The following BOK variants were observed in gnomAD, a reference collection of about 807,000 sequenced individuals.
BOK encodes the protein BCL2 family apoptosis regulator BOK.
In BOK, 20 loss-of-function variants were observed where a neutral mutation model predicts 18.3. The observed-to-expected ratio is 1.09, with a 90% CI of 0.77 to 1.59. BOK has a LOEUF of 1.59. Ranked by LOEUF, BOK falls within the 40% of genes most tolerant of loss-of-function variation. The pLI, the probability that BOK is intolerant of heterozygous loss-of-function variation, is 0.00. For missense variants in BOK, 348 were observed against 307.9 expected (o/e 1.13, Z -0.97); for synonymous variants, 173 against 142.4 (o/e 1.21, Z -1.53).
At chr2:241,569,104 A>G (rs13015179) in intron 3 of BOK, among the ~76,000 whole-genome samples, 30,912 of 152,150 alleles carry the variant, frequency 0.2, 3,258 homozygotes, top group Middle Eastern at 0.31. Context: ...AGTGGCCTGA[A>G]TCCTCACACT....
At chr2:241,551,748 G>T (rs898835889) in intron 1 of BOK, among the ~76,000 whole-genome samples, 19 of 152,226 alleles carry the variant, frequency 1.2e-4, no homozygotes, top group African/African-American at 4.6e-4. Flanking sequence ...CGCCCAGGAG[G>T]AAGGCTTGCG....
rs13386102 is a variant in BOK, at chr2:241,560,072, T to A, written c.220+369T>A. Reference sequence around the variant, plus strand: ...CCCGATGTTTATTTTGGAAAACAGATTCTTGCTGTTACTGGCCGAGATCCC... The same window carrying A: ...CCCGATGTTTATTTTGGAAAACAGAATCTTGCTGTTACTGGCCGAGATCCC... On this transcript the variant is annotated intron_variant, in intron 2 of 4. Coordinates refer to ENST00000318407, the MANE Select transcript of BOK (RefSeq NM_032515.5). The A allele has an allele frequency of 1.7e-3, 1,659 of 985,330 alleles. 17 individuals are homozygous for A. The African/African-American group carries it at 0.025, about 15-fold the overall frequency. 61.0% of individuals were successfully genotyped at this position (985,330 alleles called of 1,614,324 possible). A position where few individuals can be genotyped will look rare whatever the true frequency, so the allele number is the denominator to read the frequency against.
At chr2:241,556,892 T>A (rs1235949543), upstream of BOK, among the ~76,000 whole-genome samples, 1 of 152,234 alleles carries the variant, frequency 6.6e-6, no homozygotes, top group African/African-American at 2.4e-5. Context: ...GGGAAGATTT[T>A]AAATTACAGA....
Position 241,559,633 on chromosome 2 carries a change from G to C in BOK, c.150G>C (p.Trp50Cys). The change falls in exon 2 of 5, where the codon TGG becomes TGC. Residue 50 changes from tryptophan (W) to cysteine (C), a missense_variant. Physicochemically the swap from Trp to Cys is radical, Grantham distance 215. Transcript: ENST00000318407. ...GGCTGCTGCGCGCCGGCCTCTCCTG[G>C]AGCGCGCCCGAGCGTGCCGCGCCGG... is the stretch of plus-strand genomic sequence containing the variant. Reference protein sequence around the residue: ...HARLLRAGLSWSAPERAAPVP... With the variant: ...HARLLRAGLSCSAPERAAPVP... 1 of 1,418,734 alleles carries C rather than the reference G, an allele frequency of 7.0e-7. No homozygotes were observed. Among genetic ancestry groups the C allele is most frequent in the Non-Finnish European group, 9.1e-7 (1 of 1,094,524 alleles). The allele number at this position is 1,418,734 out of a possible 1,614,324, so 87.9% of individuals were successfully genotyped here. A position where few individuals can be genotyped will look rare whatever the true frequency, so the allele number is the denominator to read the frequency against.
chr2:241,569,889 C>T lies in BOK; in HGVS notation c.350-236C>T, dbSNP rs1279821191. Among the ~76,000 whole-genome samples the T allele has an allele frequency of 2.6e-5, 4 of 152,220 alleles. No homozygotes were observed. In the South Asian group the frequency reaches 6.2e-4, roughly 24 times the overall value. ...TTCCCTCGCCTCACCCCACGTTGTC[C>T]CTGCGGCCTCCTGCACAGACGTGGG... is the stretch of plus-strand genomic sequence containing the variant. On this transcript the variant is annotated intron_variant, in intron 3 of 4. Coordinates refer to ENST00000318407, the MANE Select transcript of BOK (RefSeq NM_032515.5).
upstream of BOK, among the ~76,000 whole-genome samples, chr2:241,555,117 CAAGTTT>C (rs1485134567): frequency 6.6e-6 from 1 of 152,146 alleles, no homozygotes; most frequent in African/African-American, 2.4e-5. Flanking sequence ...CAGCATGACC[CAAGTTT>C]TTTAAGGTCT....
Position 241,570,212 on chromosome 2 carries a change from T to G in BOK, c.437T>G (p.Val146Gly). The G allele has an allele frequency of 6.2e-7, 1 of 1,604,802 alleles. No homozygotes were observed. ...GTGAGGCAGGCCCAGCCTGCCATGG[T>G]CCACGCCCTCGTGGACTGCCTGGGG... is the stretch of plus-strand genomic sequence containing the variant. The part of the protein sequence containing the change: ...DCVRQAQPAM[V>G]HALVDCLGEF... Residue 146 changes from valine (V) to glycine (G), a missense_variant, in exon 4 of 5, where the codon GTC becomes GGC. Physicochemically the swap from Val to Gly is moderately radical, Grantham distance 109. Coordinates refer to ENST00000318407, the MANE Select transcript of BOK (RefSeq NM_032515.5).
chr2:241,571,367 C>A (rs1431377505), intron 4 of BOK, among the ~76,000 whole-genome samples: 1 of 148,000 alleles, frequency 6.8e-6, no homozygotes, highest in Non-Finnish European at 1.5e-5. Flanking sequence ...GAGAGTCTAG[C>A]CTTCTTTCCT....
chr2:241,557,803 A>G (rs2066464891), upstream of BOK, among the ~76,000 whole-genome samples: 1 of 152,136 alleles, frequency 6.6e-6, no homozygotes, highest in African/African-American at 2.4e-5. Flanking sequence ...ATTTTCCAGT[A>G]ATTTTTCTGT....
rs908005249 is a variant in BOK at position 241,568,029 on chromosome 2, T to C, written c.350-2096T>C. Among the ~76,000 whole-genome samples, 8 of 151,102 alleles carry C rather than the reference T, an allele frequency of 5.3e-5. 2 individuals are homozygous for C. Among genetic ancestry groups the C allele is most frequent in the Admixed American group, 6.6e-5 (1 of 15,142 alleles). ...ACATTTTGCATCCACGGACTCACAC[T>C]GTATGTGGCTTTTTATGCCTGGCAG... On this transcript the variant is annotated intron_variant, in intron 3 of 4. Transcript: ENST00000318407.
intron 1 of BOK, among the ~76,000 whole-genome samples, chr2:241,552,239 G>A (rs1178994286): frequency 6.6e-6 from 1 of 152,168 alleles, no homozygotes; most frequent in Non-Finnish European, 1.5e-5. Context: ...ACTGGCCAAT[G>A]AGAATGTCCT....
At chr2:241,572,245 G>A in intron 4 of BOK, 52 bp from the exon 5 acceptor site, 1 of 1,593,888 alleles carries the variant, frequency 6.3e-7, no homozygotes. Flanking sequence ...GCGGTGCTGG[G>A]GGCCTGGCGG....
Position 241,572,694 on chromosome 2 carries a change from C to G in BOK, c.*272C>G. On this transcript the variant is annotated 3_prime_UTR_variant, in exon 5 of 5. Transcript: ENST00000318407. ...GATCTCTGTGTTTTCCCTTTTCTTT[C>G]TGGGGCCAGGAAGTCAGGGTCAACT... 1 of 503,530 alleles carries G rather than the reference C, an allele frequency of 2.0e-6. No individual in the cohort carries two copies. Among genetic ancestry groups the G allele is most frequent in the Non-Finnish European group, 3.6e-6 (1 of 279,754 alleles). The allele number at this position is 503,530 out of a possible 1,614,324, so 31.2% of individuals were successfully genotyped here.
rs2066759692 is a variant in BOK at position 241,573,769 on chromosome 2, T to G, written c.*1347T>G. The G allele has an allele frequency of 6.6e-6, 1 of 152,250 alleles. No homozygotes were observed. The highest frequency in any genetic ancestry group is 1.5e-5 in the Non-Finnish European group (1 of 68,048). 9.4% of individuals were successfully genotyped at this position (152,250 alleles called of 1,614,324 possible). A position where few individuals can be genotyped will look rare whatever the true frequency, so the allele number is the denominator to read the frequency against. On this transcript the variant is annotated 3_prime_UTR_variant, in exon 5 of 5. Coordinates refer to ENST00000318407, the MANE Select transcript of BOK (RefSeq NM_032515.5). Reference sequence around the variant, plus strand: ...TGGGGATGTGCCTATTAGGGCTCCGTAAGAACTCAGATGCCTGGGAAGCCC... The same window carrying G: ...TGGGGATGTGCCTATTAGGGCTCCGGAAGAACTCAGATGCCTGGGAAGCCC...
chr2:241,563,018 T>TG (rs2066555162), intron 3 of BOK, among the ~76,000 whole-genome samples: 1 of 152,040 alleles, frequency 6.6e-6, no homozygotes, highest in African/African-American at 2.4e-5. Flanking sequence ...GGGGAGAGCA[T>TG]GGGGGTCCAA....
rs575757046 is a variant in BOK, at chr2:241,567,545, CCCA to C, written c.350-2578_350-2576del. 1.3e-4 allele frequency among the ~76,000 whole-genome samples: 18 copies of C among 135,136 alleles called. 4 individuals carry two copies. Among genetic ancestry groups the C allele is most frequent in the Admixed American group, 4.4e-4 (6 of 13,520 alleles). 88.7% of individuals were successfully genotyped at this position (135,136 alleles called of 152,430 possible). A position where few individuals can be genotyped will look rare whatever the true frequency, so the allele number is the denominator to read the frequency against. ...GCCGTGCCCTTGAAGGAGGAACAGC[CCCA>C]CGTGCTGGGGAAGTGCAGCGGGTAG... On this transcript the variant is annotated intron_variant, in intron 3 of 4. Transcript: ENST00000318407.
Position 241,567,060 on chromosome 2 carries a change from C to T in BOK, c.350-3065C>T, listed in dbSNP as rs1238193964. On this transcript the variant is annotated intron_variant, in intron 3 of 4. Transcript: ENST00000318407. ...ACACAGTGGACGCCGAGGCTGGTGC[C>T]TCCGGACTCCTGTCTTCCTGTCTTT... is the stretch of plus-strand genomic sequence containing the variant. 1.5e-5 allele frequency among the ~76,000 whole-genome samples: 2 copies of T among 133,900 alleles called. 1 individual carries two copies. The highest frequency in any genetic ancestry group is 5.9e-5 in the African/African-American group (2 of 34,082). The allele number at this position is 133,900 out of a possible 152,430, so 87.8% of individuals were successfully genotyped here. A position where few individuals can be genotyped will look rare whatever the true frequency, so the allele number is the denominator to read the frequency against.
At chr2:241,561,431 A>ACAGCGG (rs1199352238) in intron 2 of BOK, among the ~76,000 whole-genome samples, 1 of 151,584 alleles carries the variant, frequency 6.6e-6, no homozygotes, top group Admixed American at 6.6e-5. Context: ...GTGGCCCAGG[A>ACAGCGG]CAGCGGCCCA....
chr2:241,563,221 C>G (rs1375850387), intron 3 of BOK, among the ~76,000 whole-genome samples: 1 of 152,208 alleles, frequency 6.6e-6, no homozygotes, highest in Non-Finnish European at 1.5e-5. Flanking sequence ...GCTTGTCTCC[C>G]CTACTCGGTG....
Sources: gnomAD v4.1 joint callset for allele counts (sites outside exome capture counted in the v4.1 genomes callset) on GRCh38, gnomAD v4.1.1 for gene constraint, MANE v1.5 for transcripts, NCBI Gene and HGNC (gene_info 2026-07-23, HGNC 2026-07-21) for gene names.